Variants in GRWD1 observed in about 807,000 individuals in gnomAD.
GRWD1 encodes glutamate rich WD repeat containing 1.
In GRWD1, 29 loss-of-function variants were observed where a neutral mutation model predicts 45.3. The ratio of observed to expected loss-of-function variants is 0.64; its 90% CI spans 0.48 to 0.87. The LOEUF is 0.87. Among genes scored for constraint, GRWD1 ranks in the 40% least tolerant of loss-of-function variants. GRWD1 has a pLI of 0.00. For missense variants in GRWD1, 592 were observed against 618.8 expected, an observed-to-expected ratio of 0.96 and a Z score of 0.46; for synonymous variants, 262 against 257.6, an observed-to-expected ratio of 1.02 and a Z score of -0.16.
chr19:48,451,204 C>G lies in GRWD1; in HGVS notation c.996C>G (p.Leu332=). ...TCAGTGGCGGGGATGATGGGGCCCT[C>G]AAGATCTGGGACCTTCGGCAGTTCA... The part of the protein sequence containing the change: ...FLLSGGDDGA[L]KIWDLRQFKS... The change falls in exon 6 of 7, where the codon CTC becomes CTG. Residue 332 remains leucine (L), a synonymous_variant. Transcript: ENST00000253237. 1 of 1,606,370 alleles carries G rather than the reference C, an allele frequency of 6.2e-7. No individual in the cohort carries two copies.
In GRWD1 at chr19:48,451,669, AG is replaced by A. The variant is rs952945253; in HGVS notation, c.1023+440del. Among the ~76,000 whole-genome samples, 8 of 152,290 alleles carry A rather than the reference AG, an allele frequency of 5.3e-5. 1 individual carries two copies. The South Asian group carries it at 1.0e-3, about 20-fold the overall frequency. ...CGCTGTGACATGACAGCCAAGCTAG[AG>A]GTTGACATTGTGGAGCTGGGAGGGT... On this transcript the variant is annotated intron_variant, in intron 6 of 6. Coordinates refer to ENST00000253237, the MANE Select transcript of GRWD1 (RefSeq NM_031485.4).
rs1255510864 is a variant in GRWD1 at position 48,450,838 on chromosome 19, G to A, written c.825+30G>A. 2.5e-6 allele frequency: 4 copies of A among 1,599,132 alleles called. No individual in the cohort carries two copies. Among genetic ancestry groups the A allele is most frequent in the Non-Finnish European group, 3.4e-6 (4 of 1,170,674 alleles). ...GGGAGGGTGGGGTTCTGGTCGTTTA[G>A]TTCTGATGGATTCTAGGCCAGGGAC... On this transcript the variant is annotated intron_variant, in intron 5 of 6. Transcript: ENST00000253237. The surrounding 1 kb of genome is among the most constrained non-coding windows in gnomAD (Gnocchi z 5.1).
intron 1 of GRWD1, 54 bp downstream of exon 1, chr19:48,446,246 A>G: frequency 6.4e-7 from 1 of 1,571,708 alleles, no homozygotes; most frequent in Non-Finnish European, 8.7e-7. Context: ...CGAGCCTTTA[A>G]CCTGAGAGGT....
In GRWD1 at chr19:48,450,699, T is replaced by G; in HGVS notation, c.716T>G (p.Ile239Ser). 3 of 1,613,966 alleles carry G rather than the reference T, an allele frequency of 1.9e-6. No homozygotes were observed. The highest frequency in any genetic ancestry group is 2.5e-6 in the Non-Finnish European group (3 of 1,180,008). The stretch of plus-strand genomic sequence containing the variant: ...CTGACCGGTGACTGTCAAAAGAACA[T>G]CCACCTCTGGACACCTACGGACGGC... ...RLLTGDCQKN[I>S]HLWTPTDGGS... Residue 239 changes from isoleucine (I) to serine (S), a missense_variant, in exon 5 of 7, where the codon ATC becomes AGC. Coordinates refer to ENST00000253237, the MANE Select transcript of GRWD1 (RefSeq NM_031485.4). This position sits in a 1 kb window ranked among gnomAD's most constrained non-coding sequence, Gnocchi z 5.1.
In GRWD1 at chr19:48,446,758, A is replaced by G. The variant is rs137971040; in HGVS notation, c.383A>G (p.Glu128Gly). 24 of 1,614,014 alleles carry G rather than the reference A, an allele frequency of 1.5e-5. No individual in the cohort carries two copies. The highest frequency in any genetic ancestry group is 1.7e-5 in the Non-Finnish European group (20 of 1,179,998). ...PSEGSDEEEE[E>G]EDEEDEEERK... ...GAGGGCAGTGATGAAGAAGAAGAGG[A>G]GGAAGATGAAGAGGATGAAGAAGAG... is the stretch of plus-strand genomic sequence containing the variant. Residue 128 changes from glutamate to glycine, a missense_variant, in exon 3 of 7, where the codon GAG (glutamate) becomes GGG (glycine). Coordinates refer to ENST00000253237, the MANE Select transcript of GRWD1 (RefSeq NM_031485.4).
At position 48,446,369 on chromosome 19, in the gene GRWD1, C is replaced by T. The variant is rs772223053; in HGVS notation, c.188-16C>T. 13 of 1,611,922 alleles carry T rather than the reference C, an allele frequency of 8.1e-6. No homozygotes were observed. In the Admixed American group the frequency reaches 1.3e-4, roughly 17 times the overall value. On this transcript the variant is annotated splice_polypyrimidine_tract_variant and intron_variant, in intron 1 of 6. Coordinates refer to ENST00000253237, the MANE Select transcript of GRWD1 (RefSeq NM_031485.4). Reference sequence around the variant, plus strand: ...CTGTCCCGTCTTAACTCGTAAACCCCGCCTTCCATCCCCAGGCGCCCCCTG... The same window carrying T: ...CTGTCCCGTCTTAACTCGTAAACCCTGCCTTCCATCCCCAGGCGCCCCCTG...
intron 3 of GRWD1, 91 bp downstream of exon 3, chr19:48,446,934 CTTTTT>C (rs752488198): frequency 1.2e-3 from 734 of 604,756 alleles, no homozygotes; most frequent in South Asian, 1.3e-3. Flanking sequence ...TCCTCATGTT[CTTTTT>C]TTTTTTTTTT....
chr19:48,446,753 AGAGGAGGAAGAT>A lies in GRWD1; in HGVS notation c.381_392del (p.Glu129_Glu132del). ...CCTCAGAGGGCAGTGATGAAGAAGAAGAGGAGGAAGATGAAGAGGATGAAGAAGAGCGGAAAC... is the reference window on the plus strand; with the variant it reads ...CCTCAGAGGGCAGTGATGAAGAAGAAGAAGAGGATGAAGAAGAGCGGAAAC... On this transcript the variant is annotated inframe_deletion, in exon 3 of 7. Transcript: ENST00000253237. The A allele has an allele frequency of 6.2e-7, 1 of 1,605,660 alleles. No homozygotes were observed.
chr19:48,454,936 T>G lies in GRWD1; in HGVS notation c.*1911T>G, dbSNP rs1187683644. 2 of 152,172 alleles carry G rather than the reference T, an allele frequency of 1.3e-5. No homozygotes were observed. Among genetic ancestry groups the G allele is most frequent in the Non-Finnish European group, 2.9e-5 (2 of 68,158 alleles). 9.4% of individuals were successfully genotyped at this position (152,172 alleles called of 1,614,324 possible). On this transcript the variant is annotated 3_prime_UTR_variant, in exon 7 of 7. Transcript: ENST00000253237. ...TTCATCTCCCCATGTCGCCATTTCT[T>G]AAAACATTTCTTTTCTCCTTTTCGT... is the stretch of plus-strand genomic sequence containing the variant.
chr19:48,450,923 G>C lies in GRWD1; in HGVS notation c.826-111G>C. 6.6e-7 allele frequency: 1 copy of C among 1,507,398 alleles called. No individual in the cohort carries two copies. Among genetic ancestry groups the C allele is most frequent in the East Asian group, 2.3e-5 (1 of 43,886 alleles). The allele number at this position is 1,507,398 out of a possible 1,614,324, so 93.4% of individuals were successfully genotyped here. On this transcript the variant is annotated intron_variant, in intron 5 of 6. Transcript: ENST00000253237. The surrounding 1 kb of genome is among the most constrained non-coding windows in gnomAD (Gnocchi z 5.1). ...GAGCCTGACGGAGGTTTAGTTTCCA[G>C]GCCAAGTCATAGTAAGGGGAACAGT...
rs763482368 is a variant in GRWD1 at position 48,451,186 on chromosome 19, C to T, written c.978C>T (p.Gly326=). 32 of 1,610,686 alleles carry T rather than the reference C, an allele frequency of 2.0e-5. No homozygotes were observed. Among genetic ancestry groups the T allele is most frequent in the Middle Eastern group, 3.3e-4 (2 of 6,066 alleles). Residue 326 remains glycine, a synonymous_variant, in exon 6 of 7, where the codon GGC becomes GGT. Transcript: ENST00000253237. ...WSRREPFLLS[G]GDDGALKIWD... ...GCCGGGAGCCCTTCCTGCTCAGTGG[C>T]GGGGATGATGGGGCCCTCAAGATCT...
At chr19:48,448,206 C>T (rs1971433237) in intron 3 of GRWD1, among the ~76,000 whole-genome samples, 1 of 152,134 alleles carries the variant, frequency 6.6e-6, no homozygotes, top group Admixed American at 6.6e-5. Flanking sequence ...CCACCTTCGC[C>T]CCCAAAATGC....
rs146761005 is a variant in GRWD1, at chr19:48,451,123, C to T, written c.915C>T (p.Thr305=). The change falls in exon 6 of 7, where the codon ACC becomes ACT. Residue 305 remains threonine (T), a synonymous_variant. Coordinates refer to ENST00000253237, the MANE Select transcript of GRWD1 (RefSeq NM_031485.4). ...AGGCCTGCATGCTCACCACAGCCAC[C>T]GCCCATGATGGGGACGTCAATGTCA... The part of the protein sequence containing the change: ...PSKACMLTTA[T]AHDGDVNVIS... The T allele has an allele frequency of 1.2e-4, 188 of 1,614,110 alleles. No homozygotes were observed. Among genetic ancestry groups the T allele is most frequent in the Non-Finnish European group, 1.4e-4 (170 of 1,179,990 alleles).
At position 48,452,118 on chromosome 19, in the gene GRWD1, C is replaced by T. The variant is rs1385012065; in HGVS notation, c.1024-590C>T. ...TTTTTTTTTTTTTTCTTTTTTTTTGCGATGGAGTTTTGCTCTTGTTTCCCA... is the reference window on the plus strand; with the variant it reads ...TTTTTTTTTTTTTTCTTTTTTTTTGTGATGGAGTTTTGCTCTTGTTTCCCA... On this transcript the variant is annotated intron_variant, in intron 6 of 6. Transcript: ENST00000253237. The surrounding 1 kb of genome is among the most constrained non-coding windows in gnomAD (Gnocchi z 5.1). Among the ~76,000 whole-genome samples, 9 of 138,638 alleles carry T rather than the reference C, an allele frequency of 6.5e-5. No homozygotes were observed. Among genetic ancestry groups the T allele is most frequent in the African/African-American group, 1.1e-4 (4 of 36,292 alleles). 91.0% of individuals were successfully genotyped at this position (138,638 alleles called of 152,430 possible).
chr19:48,451,821 C>T (rs781302413), intron 6 of GRWD1, among the ~76,000 whole-genome samples: 1 of 152,188 alleles, frequency 6.6e-6, no homozygotes, highest in Admixed American at 6.6e-5. Context: ...GTTTCTATAG[C>T]GTCAGCCCTG....
chr19:48,446,589 C>T (rs1170415077), intron 2 of GRWD1, 87 bp downstream of exon 2: 10 of 1,561,966 alleles, frequency 6.4e-6, no homozygotes, highest in Non-Finnish European at 8.7e-6. Flanking sequence ...CAGTTTCTGC[C>T]TCTCGCAGAT....
In GRWD1 at chr19:48,450,611, G is replaced by T; in HGVS notation, c.683-55G>T. On this transcript the variant is annotated intron_variant, in intron 4 of 6. Coordinates refer to ENST00000253237, the MANE Select transcript of GRWD1 (RefSeq NM_031485.4). This position sits in a 1 kb window ranked among gnomAD's most constrained non-coding sequence, Gnocchi z 5.1. ...GGGCCGGGCGCTTAGACTCCAAGGA[G>T]GGGAGCGAGCTGCGGCCAGGTGGGG... 6.2e-7 allele frequency: 1 copy of T among 1,610,180 alleles called. No homozygotes were observed. The highest frequency in any genetic ancestry group is 8.5e-7 in the Non-Finnish European group (1 of 1,177,716).
chr19:48,453,047 T>G lies in GRWD1; in HGVS notation c.*22T>G. 1 of 1,545,662 alleles carries G rather than the reference T, an allele frequency of 6.5e-7. No homozygotes were observed. Among genetic ancestry groups the G allele is most frequent in the Non-Finnish European group, 8.8e-7 (1 of 1,142,524 alleles). On this transcript the variant is annotated 3_prime_UTR_variant, in exon 7 of 7. Coordinates refer to ENST00000253237, the MANE Select transcript of GRWD1 (RefSeq NM_031485.4). ...CTGAGGCGTCCCACTGGCTCTGATC[T>G]TGCTTCCTGCTTGGAAACTGAAGTC...
chr19:48,446,075 A>C lies in GRWD1; in HGVS notation c.70A>C (p.Thr24Pro). The C allele has an allele frequency of 6.3e-7, 1 of 1,597,138 alleles. No homozygotes were observed. Among genetic ancestry groups the C allele is most frequent in the South Asian group, 1.1e-5 (1 of 88,262 alleles). The change falls in exon 1 of 7, where the codon ACA becomes CCA. Residue 24 changes from threonine to proline, a missense_variant. Transcript: ENST00000253237. ...GEPMEAESGD[T>P]SSEGPAQVYL... ...ACCCATGGAAGCCGAGTCCGGCGAC[A>C]CAAGTTCCGAGGGCCCGGCCCAGGT...
Sources: gnomAD v4.1 joint callset for allele counts (sites outside exome capture counted in the v4.1 genomes callset) on GRCh38, gnomAD v4.1.1 for gene constraint, Gnocchi (gnomAD v3.1) non-coding constraint, MANE v1.5 for transcripts, NCBI Gene and HGNC (gene_info 2026-07-23, HGNC 2026-07-21) for gene names.